MAGI2: variants seen among roughly 807,000 people sequenced by gnomAD.
MAGI2 encodes the protein membrane-associated guanylate kinase, WW and PDZ domain-containing protein 2.
Under a neutral mutation model 133.3 loss-of-function variants are expected in MAGI2, and 35 were observed. That is an observed-to-expected ratio of 0.26 (90% CI 0.20 to 0.35). MAGI2 has a LOEUF of 0.35. Ranked by LOEUF, MAGI2 falls within the 10% of genes least tolerant of loss-of-function variation. The probability of loss-of-function intolerance (pLI) is 1.00; values close to 1 mark genes in which losing one functional copy is unlikely to be tolerated. For synonymous variants in MAGI2, 729 were observed against 710.6 expected, an observed-to-expected ratio of 1.03 and a Z score of -0.41; for missense variants, 1,636 against 1,863.4, an observed-to-expected ratio of 0.88 and a Z score of 2.25.
chr7:78,364,226 A>G (rs1050475847), intron 7 of MAGI2, among the ~76,000 whole-genome samples: 5 of 152,140 alleles, frequency 3.3e-5, no homozygotes, highest in Non-Finnish European at 5.9e-5. Flanking sequence ...TTTTATGTTT[A>G]TTTCTAATTG....
At chr7:79,410,533 G>C (rs1373415646) in intron 1 of MAGI2, 2 of 152,102 alleles carry the variant, frequency 1.3e-5, no homozygotes, top group African/African-American at 2.4e-5. Flanking sequence ...ATAAGGAACA[G>C]GGATGCCAAG....
chr7:78,333,673 C>T (rs1367472430), intron 9 of MAGI2, among the ~76,000 whole-genome samples: 1 of 152,210 alleles, frequency 6.6e-6, no homozygotes, highest in Non-Finnish European at 1.5e-5. Context: ...GCTACCTTGT[C>T]ATTGAGACTG....
In MAGI2 at chr7:78,250,007, G is replaced by C. The variant is rs1158466577; in HGVS notation, c.2047+5936C>G. 4.5e-5 allele frequency among the ~76,000 whole-genome samples: 6 copies of C among 134,044 alleles called. No homozygotes were observed. The East Asian group carries it at 1.2e-3, about 26-fold the overall frequency. 87.9% of individuals were successfully genotyped at this position (134,044 alleles called of 152,430 possible). A position where few individuals can be genotyped will look rare whatever the true frequency, so the allele number is the denominator to read the frequency against. Reference sequence around the variant, plus strand: ...TAAAAATAGACTTAAAAGATACACTGTTTTTCTAATAGAAAAAGCCTGAAA... The same window carrying C: ...TAAAAATAGACTTAAAAGATACACTCTTTTTCTAATAGAAAAAGCCTGAAA... On this transcript the variant is annotated intron_variant, in intron 10 of 21. Coordinates refer to ENST00000354212, the MANE Select transcript of MAGI2 (RefSeq NM_012301.4).
At chr7:78,550,081 C>A (rs1007841935) in intron 3 of MAGI2, among the ~76,000 whole-genome samples, 3 of 152,180 alleles carry the variant, frequency 2.0e-5, no homozygotes, top group Non-Finnish European at 1.5e-5. Flanking sequence ...ATAGAAAGCA[C>A]CGTCTACAAA....
intron 5 of MAGI2, 51 bp from the exon 6 acceptor site, chr7:78,489,891 G>T (rs1250483497): frequency 1.1e-5 from 14 of 1,260,146 alleles, no homozygotes; most frequent in South Asian, 4.0e-5. Context: ...AAGGAATCAA[G>T]TTTATTCCTT....
chr7:78,321,295 A>G (rs1787978061), intron 9 of MAGI2, among the ~76,000 whole-genome samples: 1 of 152,186 alleles, frequency 6.6e-6, no homozygotes, highest in Non-Finnish European at 1.5e-5. Flanking sequence ...GAACCAAAAA[A>G]GAGCCCTCAC....
chr7:79,186,757 A>ATATATATTTATACAAAAG, intron 1 of MAGI2, among the ~76,000 whole-genome samples: 1 of 83,904 alleles, frequency 1.2e-5, no homozygotes, highest in African/African-American at 4.6e-5. Context: ...AAAAGTATAT[A>ATATATATTTATACAAAAG]TATATATATA....
intron 14 of MAGI2, among the ~76,000 whole-genome samples, chr7:78,175,036 G>A (rs1175888930): frequency 6.6e-6 from 1 of 152,108 alleles, no homozygotes; most frequent in Non-Finnish European, 1.5e-5. Context: ...TCTTCTTTTG[G>A]ATGGTTCTAA....
At chr7:78,152,558 A>T (rs1162880023) in intron 16 of MAGI2, among the ~76,000 whole-genome samples, 1 of 152,242 alleles carries the variant, frequency 6.6e-6, no homozygotes, top group Non-Finnish European at 1.5e-5. Context: ...CATGGAACAG[A>T]AATTAAGTCA....
At chr7:78,974,567 T>C (rs1282021645) in intron 2 of MAGI2, among the ~76,000 whole-genome samples, 1 of 151,918 alleles carries the variant, frequency 6.6e-6, no homozygotes, top group Non-Finnish European at 1.5e-5. Flanking sequence ...TCTCCTTTAA[T>C]GTAGTTATTT....
In MAGI2 at chr7:79,175,643, T is replaced by G. The variant is rs183199716; in HGVS notation, c.302-168437A>C. Among the ~76,000 whole-genome samples, 138 of 152,086 alleles carry G rather than the reference T, an allele frequency of 9.1e-4. 2 individuals are homozygous for G. Among genetic ancestry groups the G allele is most frequent in the African/African-American group, 3.1e-3 (130 of 41,428 alleles). On this transcript the variant is annotated intron_variant, in intron 1 of 21. Transcript: ENST00000354212. ...TACATAGAGCGTACTTACATAAACA[T>G]AGATGGTGTAGCCTACTACATACCT...
chr7:78,509,616 T>C (rs1158096337), intron 4 of MAGI2, among the ~76,000 whole-genome samples: 1 of 152,166 alleles, frequency 6.6e-6, no homozygotes, highest in Non-Finnish European at 1.5e-5. Context: ...ATGGCAGCCA[T>C]TCCGTTTGCT....
chr7:79,071,943 G>A lies in MAGI2; in HGVS notation c.302-64737C>T, dbSNP rs1241168990. Among the ~76,000 whole-genome samples the A allele has an allele frequency of 3.9e-5, 6 of 152,298 alleles. No individual in the cohort carries two copies. In the East Asian group the frequency reaches 1.2e-3, roughly 29 times the overall value. Reference sequence around the variant, plus strand: ...AGCCAGGTACTGGAGGGAATCTCTTGTTCTGTCAGTTGTGAAGACTGTGTG... The same window carrying A: ...AGCCAGGTACTGGAGGGAATCTCTTATTCTGTCAGTTGTGAAGACTGTGTG... On this transcript the variant is annotated intron_variant, in intron 1 of 21. Transcript: ENST00000354212.
At chr7:78,044,490 A>G (rs1398975441) in intron 21 of MAGI2, among the ~76,000 whole-genome samples, 1 of 152,086 alleles carries the variant, frequency 6.6e-6, no homozygotes, top group East Asian at 1.9e-4. Flanking sequence ...ATCAATGTGG[A>G]GTTTTAGTAT....
chr7:79,166,400 T>C (rs1020405053), intron 1 of MAGI2, among the ~76,000 whole-genome samples: 4 of 152,108 alleles, frequency 2.6e-5, no homozygotes, highest in African/African-American at 4.8e-5. Context: ...AAGAAAATTC[T>C]GTCAACAGTC....
At chr7:78,364,234 T>C (rs1425921695) in intron 7 of MAGI2, among the ~76,000 whole-genome samples, 7 of 152,230 alleles carry the variant, frequency 4.6e-5, no homozygotes, top group Admixed American at 6.5e-5. Flanking sequence ...TTATTTCTAA[T>C]TGGAAATGTT....
intron 2 of MAGI2, among the ~76,000 whole-genome samples, chr7:78,969,225 TC>T (rs139055666): frequency 0.059 from 8,949 of 152,074 alleles, 293 homozygotes; most frequent in Non-Finnish European, 0.079. Flanking sequence ...GGAGGGCCAG[TC>T]TTTTCTCGAG....
chr7:79,310,672 C>A (rs1243250528), intron 1 of MAGI2, among the ~76,000 whole-genome samples: 1 of 152,056 alleles, frequency 6.6e-6, no homozygotes, highest in Non-Finnish European at 1.5e-5. Context: ...ATAAGGGAAG[C>A]AACCAGAAAA....
At chr7:78,190,147 G>A (rs780285441) in intron 12 of MAGI2, among the ~76,000 whole-genome samples, 1 of 152,114 alleles carries the variant, frequency 6.6e-6, no homozygotes, top group Non-Finnish European at 1.5e-5. Context: ...ACTTAAATGT[G>A]GGAAACCTTA....
Sources: gnomAD v4.1 joint callset for allele counts (sites outside exome capture counted in the v4.1 genomes callset) on GRCh38, gnomAD v4.1.1 for gene constraint, MANE v1.5 for transcripts, NCBI Gene and HGNC (gene_info 2026-07-23, HGNC 2026-07-21) for gene names.